Variants in MAP2K5 observed in about 807,000 individuals in gnomAD.
MAP2K5 encodes the protein mitogen-activated protein kinase kinase 5, also known as dual specificity mitogen-activated protein kinase kinase 5.
In MAP2K5, 49 loss-of-function variants were observed where a neutral mutation model predicts 83.1. The ratio of observed to expected loss-of-function variants is 0.59; its 90% CI spans 0.47 to 0.75. The LOEUF (loss-of-function observed/expected upper bound fraction) is 0.75, where lower values mean the gene tolerates loss of function less well. Ranked by LOEUF, MAP2K5 falls within the 30% of genes least tolerant of loss-of-function variation. The probability of loss-of-function intolerance (pLI) is 0.00; values close to 1 mark genes in which losing one functional copy is unlikely to be tolerated. For synonymous variants in MAP2K5, 202 were observed against 191.8 expected, an observed-to-expected ratio of 1.05 and a Z score of -0.44; for missense variants, 457 against 557.5, an observed-to-expected ratio of 0.82 and a Z score of 1.82.
intron 8 of MAP2K5, among the ~76,000 whole-genome samples, chr15:67,626,085 A>G (rs1163590556): frequency 2.0e-5 from 3 of 152,170 alleles, no homozygotes; most frequent in Non-Finnish European, 1.5e-5. Flanking sequence ...TCAGTTCTTG[A>G]TTAGTGATTC....
In MAP2K5 at chr15:67,543,808, T is replaced by C. The variant is rs1241702782; in HGVS notation, c.135+338T>C. ...CCCCCAAGTGTTTCGGGGAATGTCCTTGGACAGATTCCAGCCTTGTTTTTC... is the reference window on the plus strand; with the variant it reads ...CCCCCAAGTGTTTCGGGGAATGTCCCTGGACAGATTCCAGCCTTGTTTTTC... On this transcript the variant is annotated intron_variant, in intron 1 of 21. Coordinates refer to ENST00000178640, the MANE Select transcript of MAP2K5 (RefSeq NM_145160.3). The surrounding 1 kb of genome is among the most constrained non-coding windows in gnomAD (Gnocchi z 4.3). 2.6e-5 allele frequency among the ~76,000 whole-genome samples: 4 copies of C among 152,228 alleles called. No homozygotes were observed. Among genetic ancestry groups the C allele is most frequent in the African/African-American group, 4.8e-5 (2 of 41,460 alleles).
chr15:67,703,241 G>A (rs979346570), intron 15 of MAP2K5, 96 bp from the exon 16 acceptor site: 12 of 819,378 alleles, frequency 1.5e-5, no homozygotes, highest in African/African-American at 3.4e-5. Flanking sequence ...CTATGCAGAT[G>A]TTGGTGGCTC....
rs2084738110 is a variant in MAP2K5, at chr15:67,561,566, G to C, written c.185-1717G>C. Among the ~76,000 whole-genome samples the C allele has an allele frequency of 6.6e-6, 1 of 152,174 alleles. No homozygotes were observed. Among genetic ancestry groups the C allele is most frequent in the Non-Finnish European group, 1.5e-5 (1 of 68,034 alleles). ...TGACTCTCCTAGATTTAGACAGTGTGATCTTGATGATACCGATTCACACTG... is the reference window on the plus strand; with the variant it reads ...TGACTCTCCTAGATTTAGACAGTGTCATCTTGATGATACCGATTCACACTG... On this transcript the variant is annotated intron_variant, in intron 2 of 21. Transcript: ENST00000178640. This position sits in a 1 kb window ranked among gnomAD's most constrained non-coding sequence, Gnocchi z 4.2.
rs187180666 is a variant in MAP2K5 at position 67,801,955 on chromosome 15, G to A, written c.1243-4691G>A. Among the ~76,000 whole-genome samples, 37 of 152,304 alleles carry A rather than the reference G, an allele frequency of 2.4e-4. No homozygotes were observed. Among genetic ancestry groups the A allele is most frequent in the African/African-American group, 8.9e-4 (37 of 41,558 alleles). On this transcript the variant is annotated intron_variant, in intron 21 of 21. Transcript: ENST00000178640. This position sits in a 1 kb window ranked among gnomAD's most constrained non-coding sequence, Gnocchi z 4.8. ...CAGAAGAAGCTCAAAGCCCAACTAA[G>A]GGCAGACAGCGAGGTGTCATTAAAT... is the stretch of plus-strand genomic sequence containing the variant.
rs1446030776 is a variant in MAP2K5 at position 67,637,991 on chromosome 15, TTTTAA to T, written c.585+7070_585+7074del. On this transcript the variant is annotated intron_variant, in intron 9 of 21. Coordinates refer to ENST00000178640, the MANE Select transcript of MAP2K5 (RefSeq NM_145160.3). This position sits in a 1 kb window ranked among gnomAD's most constrained non-coding sequence, Gnocchi z 4.5. ...TAATTTAACTTTTAACTTTTTTAAC[TTTTAA>T]TTTAACTTTTTTTAACTTTTTTTTA... Among the ~76,000 whole-genome samples the T allele has an allele frequency of 5.3e-5, 8 of 152,104 alleles. No homozygotes were observed. Among genetic ancestry groups the T allele is most frequent in the African/African-American group, 7.2e-5 (3 of 41,530 alleles).
chr15:67,609,862 C>T (rs905252117), intron 8 of MAP2K5, among the ~76,000 whole-genome samples: 7 of 152,110 alleles, frequency 4.6e-5, no homozygotes, highest in East Asian at 1.9e-4. Context: ...ACCACTCAGG[C>T]GGAAGCCCTA....
chr15:67,615,159 T>G (rs1483693509), intron 8 of MAP2K5, among the ~76,000 whole-genome samples: 1 of 151,984 alleles, frequency 6.6e-6, no homozygotes, highest in Non-Finnish European at 1.5e-5. Flanking sequence ...CACCACGCCC[T>G]GCTAATTTTT....
chr15:67,751,847 C>G (rs768152820), intron 19 of MAP2K5, among the ~76,000 whole-genome samples: 10 of 152,102 alleles, frequency 6.6e-5, no homozygotes, highest in Non-Finnish European at 1.5e-4. Context: ...GAGTGTTTGG[C>G]GCTGACATTG....
chr15:67,806,822 A>T lies in MAP2K5; in HGVS notation c.*72A>T, dbSNP rs2090821469. The T allele has an allele frequency of 6.3e-7, 1 of 1,597,992 alleles. No homozygotes were observed. ...CAACCCACCCGTCGCCCTTCTCCGT[A>T]TGCTGCCTGCGCCAGAAGAGCTTTG... is the stretch of plus-strand genomic sequence containing the variant. On this transcript the variant is annotated 3_prime_UTR_variant, in exon 22 of 22. Transcript: ENST00000178640.
intron 20 of MAP2K5, among the ~76,000 whole-genome samples, chr15:67,771,158 AAT>A: frequency 4.2e-4 from 1 of 2,402 alleles, no homozygotes; most frequent in African/African-American, 1.2e-3. Flanking sequence ...TACACATGGT[AAT>A]GTGTACCATG....
chr15:67,719,673 A>G lies in MAP2K5; in HGVS notation c.1045-8243A>G, dbSNP rs2088906603. Among the ~76,000 whole-genome samples, 1 of 152,188 alleles carries G rather than the reference A, an allele frequency of 6.6e-6. No individual in the cohort carries two copies. The highest frequency in any genetic ancestry group is 6.5e-5 in the Admixed American group (1 of 15,284). ...CCTGACAGAAGAGGAGAAAAGGAGG[A>G]ACAATTTGAATCAAGTCCTGAAAGA... is the stretch of plus-strand genomic sequence containing the variant. On this transcript the variant is annotated intron_variant, in intron 16 of 21. Coordinates refer to ENST00000178640, the MANE Select transcript of MAP2K5 (RefSeq NM_145160.3). The surrounding 1 kb of genome is among the most constrained non-coding windows in gnomAD (Gnocchi z 4.6).
At position 67,747,850 on chromosome 15, in the gene MAP2K5, G is replaced by T. The variant is rs780526222; in HGVS notation, c.1075-381G>T. Among the ~76,000 whole-genome samples, 1 of 152,096 alleles carries T rather than the reference G, an allele frequency of 6.6e-6. No individual in the cohort carries two copies. The highest frequency in any genetic ancestry group is 1.5e-5 in the Non-Finnish European group (1 of 68,014). ...ATTTAATTTCAATTTTAAATAAATC[G>T]GTTTTTAATTTAAAAAGAGTGAGCT... On this transcript the variant is annotated intron_variant, in intron 17 of 21. Transcript: ENST00000178640. The surrounding 1 kb of genome is among the most constrained non-coding windows in gnomAD (Gnocchi z 4.1).
chr15:67,575,925 T>TC (rs1352481846), intron 3 of MAP2K5, among the ~76,000 whole-genome samples: 504 of 145,516 alleles, frequency 3.5e-3, no homozygotes, highest in African/African-American at 0.01. Context: ...TCTTTTTTTT[T>TC]TTTTTTTTTT....
At chr15:67,602,200 C>A (rs922980787) in intron 8 of MAP2K5, among the ~76,000 whole-genome samples, 1 of 152,162 alleles carries the variant, frequency 6.6e-6, no homozygotes, top group Non-Finnish European at 1.5e-5. Flanking sequence ...CTCTTCCTTA[C>A]GATCTGACTT....
At position 67,794,311 on chromosome 15, in the gene MAP2K5, G is replaced by T. The variant is rs1396174405; in HGVS notation, c.1243-12335G>T. On this transcript the variant is annotated intron_variant, in intron 21 of 21. Coordinates refer to ENST00000178640, the MANE Select transcript of MAP2K5 (RefSeq NM_145160.3). This position sits in a 1 kb window ranked among gnomAD's most constrained non-coding sequence, Gnocchi z 4.6. ...TTTGTGTTTTGTTTTAGAAAATATT[G>T]CTCAAGGCTAAGAGTGAGTTCTATT... Among the ~76,000 whole-genome samples, 1 of 152,168 alleles carries T rather than the reference G, an allele frequency of 6.6e-6. No individual in the cohort carries two copies. The highest frequency in any genetic ancestry group is 1.5e-5 in the Non-Finnish European group (1 of 68,034).
chr15:67,576,074 G>A (rs1487306336), intron 3 of MAP2K5, among the ~76,000 whole-genome samples: 4 of 145,196 alleles, frequency 2.8e-5, no homozygotes, highest in Non-Finnish European at 4.6e-5. Context: ...ACACCACCAC[G>A]CCTGGCTAAT....
intron 15 of MAP2K5, among the ~76,000 whole-genome samples, chr15:67,695,008 A>G (rs2088212705): frequency 1.3e-5 from 2 of 151,938 alleles, no homozygotes; most frequent in South Asian, 2.1e-4. Flanking sequence ...CTATTGCAAG[A>G]ACAAAAAACC....
intron 3 of MAP2K5, among the ~76,000 whole-genome samples, chr15:67,567,465 C>T (rs989344698): frequency 1.5e-4 from 22 of 151,468 alleles, no homozygotes; most frequent in African/African-American, 1.2e-4. Context: ...CCCGGGTTCA[C>T]GCCATTCTCC....
intron 13 of MAP2K5, among the ~76,000 whole-genome samples, chr15:67,683,510 C>T (rs942171612): frequency 2.0e-5 from 3 of 152,048 alleles, no homozygotes; most frequent in African/African-American, 7.2e-5. Flanking sequence ...GCCTGTAGTC[C>T]CAGCACTTTG....
Sources: allele counts gnomAD v4.1 joint callset (sites outside exome capture counted in the v4.1 genomes callset), GRCh38; gene constraint gnomAD v4.1.1; non-coding constraint Gnocchi (gnomAD v3.1); transcripts MANE v1.5; gene names NCBI Gene and HGNC (gene_info 2026-07-23, HGNC 2026-07-21).